Variants in LRRTM1 observed in about 807,000 individuals in gnomAD.
LRRTM1 encodes the protein leucine-rich repeat transmembrane neuronal protein 1.
In LRRTM1, 8 loss-of-function variants were observed where a neutral mutation model predicts 37.3. The observed-to-expected ratio is 0.21, with a 90% CI of 0.13 to 0.39. The LOEUF is 0.39. Among genes scored for constraint, LRRTM1 ranks in the 10% least tolerant of loss-of-function variants. The pLI, the probability that LRRTM1 is intolerant of heterozygous loss-of-function variation, is 1.00. For synonymous variants in LRRTM1, 326 were observed against 316.8 expected (o/e 1.03, Z -0.31); for missense variants, 557 against 691.0 (o/e 0.81, Z 2.17).
intron 2 of LRRTM1, among the ~76,000 whole-genome samples, chr2:80,294,641 A>C (rs899503087): frequency 1.3e-5 from 2 of 152,016 alleles, no homozygotes; most frequent in African/African-American, 2.4e-5. Context: ...AGCTTAAAAA[A>C]AATAATAATA....
chr2:80,304,706 A>T lies in LRRTM1; in HGVS notation c.-614T>A, dbSNP rs1198604157. 4 of 152,692 alleles carry T rather than the reference A, an allele frequency of 2.6e-5. No homozygotes were observed. The highest frequency in any genetic ancestry group is 9.7e-5 in the African/African-American group (4 of 41,366). 9.5% of individuals were successfully genotyped at this position (152,692 alleles called of 1,614,324 possible). On this transcript the variant is annotated 5_prime_UTR_variant, in exon 1 of 2. Transcript: ENST00000295057. ...CCCGGGCTCCTTCCCTCCACCAGGCAGTGTGCGGCGCGAGCTTGCACAGGC... is the reference window on the plus strand; with the variant it reads ...CCCGGGCTCCTTCCCTCCACCAGGCTGTGTGCGGCGCGAGCTTGCACAGGC...
At chr2:80,289,406 C>T (rs921471258) in intron 2 of LRRTM1, among the ~76,000 whole-genome samples, 8 of 152,226 alleles carry the variant, frequency 5.3e-5, no homozygotes, top group South Asian at 2.1e-4. Context: ...CCCCAGTTCT[C>T]GCCTCTTTAG....
At chr2:80,300,278 TGGGGTGTGTGTGTGTGTG>T (rs1676133810), downstream of LRRTM1, among the ~76,000 whole-genome samples, 1 of 71,028 alleles carries the variant, frequency 1.4e-5, no homozygotes, top group Non-Finnish European at 2.8e-5. Context: ...GCTGGGGTGT[TGGGGTGTGTGTGTGTGTG>T]TGTGTGTGTG....
chr2:80,302,125 C>T lies in LRRTM1; in HGVS notation c.*126G>A. 1 of 1,216,202 alleles carries T rather than the reference C, an allele frequency of 8.2e-7. No individual in the cohort carries two copies. The highest frequency in any genetic ancestry group is 1.1e-6 in the Non-Finnish European group (1 of 893,518). 75.3% of individuals were successfully genotyped at this position (1,216,202 alleles called of 1,614,324 possible). A position where few individuals can be genotyped will look rare whatever the true frequency, so the allele number is the denominator to read the frequency against. The stretch of plus-strand genomic sequence containing the variant: ...AAATGTCAAGTCTCTGGGAGAGATC[C>T]CCTTAAAGTTTCAGTCAAGGAGCAT... On this transcript the variant is annotated 3_prime_UTR_variant, in exon 2 of 2. Coordinates refer to ENST00000295057, the MANE Select transcript of LRRTM1 (RefSeq NM_178839.5). This position sits in a 1 kb window ranked among gnomAD's most constrained non-coding sequence, Gnocchi z 6.4.
rs1676381550 is a variant in LRRTM1, at chr2:80,302,164, C to G, written c.*87G>C. On this transcript the variant is annotated 3_prime_UTR_variant, in exon 2 of 2. Coordinates refer to ENST00000295057, the MANE Select transcript of LRRTM1 (RefSeq NM_178839.5). This position sits in a 1 kb window ranked among gnomAD's most constrained non-coding sequence, Gnocchi z 6.4. ...GTCAAGGAGCATATCAGAGCACAGACAAGGAGACCCCAGCCTGGTGCCCGC... is the reference window on the plus strand; with the variant it reads ...GTCAAGGAGCATATCAGAGCACAGAGAAGGAGACCCCAGCCTGGTGCCCGC... The G allele has an allele frequency of 2.0e-6, 3 of 1,513,528 alleles. No individual in the cohort carries two copies. The Admixed American group carries it at 5.9e-5, about 30-fold the overall frequency. 93.8% of individuals were successfully genotyped at this position (1,513,528 alleles called of 1,614,324 possible). A position where few individuals can be genotyped will look rare whatever the true frequency, so the allele number is the denominator to read the frequency against.
intron 2 of LRRTM1, among the ~76,000 whole-genome samples, chr2:80,296,217 A>G (rs1444513084): frequency 6.6e-6 from 1 of 152,200 alleles, no homozygotes; most frequent in Non-Finnish European, 1.5e-5. Context: ...TTTAAAATAG[A>G]GGTTCATCAC....
chr2:80,293,887 G>T (rs912916519), intron 2 of LRRTM1, among the ~76,000 whole-genome samples: 1 of 152,158 alleles, frequency 6.6e-6, no homozygotes, highest in South Asian at 2.1e-4. Context: ...GCAAAGAAAA[G>T]AGTGTCAGGC....
At chr2:80,291,288 A>C (rs1675213287) in intron 2 of LRRTM1, among the ~76,000 whole-genome samples, 2 of 152,322 alleles carry the variant, frequency 1.3e-5, no homozygotes, top group South Asian at 4.1e-4. Context: ...TCTCCTCCTT[A>C]ACTTCATACC....
In LRRTM1 at chr2:80,302,443, C is replaced by T. The variant is rs753363249; in HGVS notation, c.1377G>A (p.Gln459=). ...SWKCFPASLR[Q]LRQCFVTQRR... ...GCTGCGTGACAAAGCACTGTCTGAGCTGCCTGAGGCTGGCTGGGAAACACT... is the reference window on the plus strand; with the variant it reads ...GCTGCGTGACAAAGCACTGTCTGAGTTGCCTGAGGCTGGCTGGGAAACACT... Residue 459 remains glutamine (Q), a synonymous_variant, in exon 2 of 2, where the codon CAG becomes CAA. Coordinates refer to ENST00000295057, the MANE Select transcript of LRRTM1 (RefSeq NM_178839.5). The surrounding 1 kb of genome is among the most constrained non-coding windows in gnomAD (Gnocchi z 6.4). 2 of 1,614,232 alleles carry T rather than the reference C, an allele frequency of 1.2e-6. No individual in the cohort carries two copies. The highest frequency in any genetic ancestry group is 1.7e-6 in the Non-Finnish European group (2 of 1,180,044).
intron 2 of LRRTM1, among the ~76,000 whole-genome samples, chr2:80,291,595 G>T (rs1675246328): frequency 6.6e-6 from 1 of 152,222 alleles, no homozygotes; most frequent in Non-Finnish European, 1.5e-5. Context: ...TTCAGCTGAA[G>T]ATGTATGCTT....
chr2:80,303,444 T>A lies in LRRTM1; in HGVS notation c.376A>T (p.Thr126Ser), dbSNP rs1676567587. 2 of 1,613,996 alleles carry A rather than the reference T, an allele frequency of 1.2e-6. No individual in the cohort carries two copies. Among genetic ancestry groups the A allele is most frequent in the South Asian group, 2.2e-5 (2 of 91,082 alleles). Reference protein sequence around the residue: ...KELTLSSNQITQLPNTTFRPM... With the variant: ...KELTLSSNQISQLPNTTFRPM... The stretch of plus-strand genomic sequence containing the variant: ...CGGAAGGTGGTGTTGGGCAGTTGGG[T>A]GATCTGGTTGGAACTCAGCGTGAGT... Residue 126 changes from threonine to serine, a missense_variant, in exon 2 of 2, where the codon ACC (threonine) becomes TCC (serine). Transcript: ENST00000295057. The surrounding 1 kb of genome is among the most constrained non-coding windows in gnomAD (Gnocchi z 7.7).
chr2:80,300,947 C>G (rs1419657997), downstream of LRRTM1, among the ~76,000 whole-genome samples: 4 of 146,656 alleles, frequency 2.7e-5, no homozygotes, highest in African/African-American at 7.6e-5. Flanking sequence ...ACTCTCAACA[C>G]AGAAAAAAAA....
intron 2 of LRRTM1, among the ~76,000 whole-genome samples, chr2:80,295,003 ACT>A (rs764165511): frequency 6.9e-6 from 1 of 145,000 alleles, no homozygotes; most frequent in Non-Finnish European, 1.5e-5. Context: ...AGATCTTGAA[ACT>A]CTCTCCTCTT....
chr2:80,300,281 G>GGTGTGTGTGTGT (rs70940079), downstream of LRRTM1, among the ~76,000 whole-genome samples: 1 of 93,108 alleles, frequency 1.1e-5, no homozygotes, highest in Non-Finnish European at 2.2e-5. Flanking sequence ...GGGGTGTTGG[G>GGTGTGTGTGTGT]GTGTGTGTGT....
chr2:80,300,832 C>T (rs1676218411), downstream of LRRTM1, among the ~76,000 whole-genome samples: 1 of 151,948 alleles, frequency 6.6e-6, no homozygotes, highest in African/African-American at 2.4e-5. Flanking sequence ...TTCTCTGCAC[C>T]CACCAACTGC....
In LRRTM1 at chr2:80,303,796, G is replaced by A; in HGVS notation, c.24C>T (p.Leu8=). The A allele has an allele frequency of 6.6e-7, 1 of 1,519,982 alleles. No individual in the cohort carries two copies. The highest frequency in any genetic ancestry group is 2.3e-5 in the East Asian group (1 of 43,932). The allele number at this position is 1,519,982 out of a possible 1,614,324, so 94.2% of individuals were successfully genotyped here. MDFLLLG[L]CLYWLLRRPS... ...GCCTCCTCAGCAGCCAGTATAGACA[G>A]AGACCGAGCAGCAGGAAATCCATTA... Residue 8 remains leucine (L), a synonymous_variant, in exon 2 of 2, where the codon CTC becomes CTT. Transcript: ENST00000295057. The surrounding 1 kb of genome is among the most constrained non-coding windows in gnomAD (Gnocchi z 7.7).
downstream of LRRTM1, among the ~76,000 whole-genome samples, chr2:80,297,719 G>A (rs1675869718): frequency 6.6e-6 from 1 of 152,016 alleles, no homozygotes; most frequent in African/African-American, 2.4e-5. Context: ...CCATTTGCTG[G>A]CTCTTCCCAC....
Position 80,303,769 on chromosome 2 carries a change from G to C in LRRTM1, c.51C>G (p.Pro17=). 6.4e-7 allele frequency: 1 copy of C among 1,568,854 alleles called. No homozygotes were observed. Among genetic ancestry groups the C allele is most frequent in the Non-Finnish European group, 8.6e-7 (1 of 1,158,626 alleles). The change falls in exon 2 of 2, where the codon CCC becomes CCG. Residue 17 remains proline, a synonymous_variant. Coordinates refer to ENST00000295057, the MANE Select transcript of LRRTM1 (RefSeq NM_178839.5). This position sits in a 1 kb window ranked among gnomAD's most constrained non-coding sequence, Gnocchi z 7.7. ...CCAGCAGACACAAGACCACCCCCGA[G>C]GGCCTCCTCAGCAGCCAGTATAGAC... ...GLCLYWLLRR[P]SGVVLCLLGA... is the part of the protein sequence containing the mutation.
downstream of LRRTM1, among the ~76,000 whole-genome samples, chr2:80,300,779 A>G (rs1361719935): frequency 2.0e-5 from 3 of 152,104 alleles, no homozygotes; most frequent in Admixed American, 1.3e-4. Context: ...TTGTCATCTG[A>G]TGAAGGAGCC....
Sources: gnomAD v4.1 joint callset for allele counts (sites outside exome capture counted in the v4.1 genomes callset) on GRCh38, gnomAD v4.1.1 for gene constraint, Gnocchi (gnomAD v3.1) non-coding constraint, MANE v1.5 for transcripts, NCBI Gene and HGNC (gene_info 2026-07-23, HGNC 2026-07-21) for gene names.